PCDHA13: variants seen among roughly 807,000 people sequenced by gnomAD.
The protein encoded by PCDHA13 is protocadherin alpha-13.
PCDHA13 carries 54 observed loss-of-function variants against 64.8 expected under a neutral mutation model. The ratio of observed to expected loss-of-function variants is 0.83; its 90% CI spans 0.67 to 1.04. The LOEUF is 1.04. Among genes scored for constraint, PCDHA13 ranks in the 50% least tolerant of loss-of-function variants. The pLI, the probability that PCDHA13 is intolerant of heterozygous loss-of-function variation, is 0.00. For synonymous variants in PCDHA13, 587 were observed against 564.4 expected (o/e 1.04, Z -0.57); for missense variants, 1,248 against 1,254.3 (o/e 0.99, Z 0.08).
At chr5:140,983,734 G>A (rs1194473513) in intron 3 of PCDHA13, among the ~76,000 whole-genome samples, 15 of 152,170 alleles carry the variant, frequency 9.9e-5, no homozygotes, top group African/African-American at 3.4e-4. Context: ...TAACATGGCT[G>A]GCTTGCAATA....
At chr5:140,995,546 C>T (rs2097688546) in intron 3 of PCDHA13, among the ~76,000 whole-genome samples, 1 of 152,184 alleles carries the variant, frequency 6.6e-6, no homozygotes, top group African/African-American at 2.4e-5. Context: ...AAGGGGCGAT[C>T]ACTGTACTGA....
intron 3 of PCDHA13, among the ~76,000 whole-genome samples, chr5:140,986,633 C>T (rs566373023): frequency 5.9e-5 from 9 of 152,266 alleles, no homozygotes; most frequent in Admixed American, 3.3e-4. Context: ...GGCAACAGTA[C>T]ATTAGTTTTA....
chr5:140,970,748 A>G (rs2096429835), intron 1 of PCDHA13, among the ~76,000 whole-genome samples: 1 of 152,130 alleles, frequency 6.6e-6, no homozygotes, highest in African/African-American at 2.4e-5. Context: ...TTTGCAATAT[A>G]TTTTCATTGA....
chr5:140,969,058 T>C, intron 1 of PCDHA13: 1 of 1,614,166 alleles, frequency 6.2e-7, no homozygotes. Flanking sequence ...ACAACAATAT[T>C]GATGCCAGGA....
At chr5:140,912,939 T>C (rs1372074826) in intron 1 of PCDHA13, among the ~76,000 whole-genome samples, 1 of 152,230 alleles carries the variant, frequency 6.6e-6, no homozygotes, top group Middle Eastern at 3.2e-3. Context: ...CATCCTTGTA[T>C]CCCTGGGATA....
At chr5:140,907,239 C>T (rs1447900433) in intron 1 of PCDHA13, among the ~76,000 whole-genome samples, 1 of 152,200 alleles carries the variant, frequency 6.6e-6, no homozygotes, top group Non-Finnish European at 1.5e-5. Context: ...ACCTAGTTGA[C>T]ATTGTAATTG....
intron 1 of PCDHA13, among the ~76,000 whole-genome samples, chr5:140,941,026 C>T (rs1330663914): frequency 6.6e-6 from 1 of 152,066 alleles, no homozygotes; most frequent in Admixed American, 6.5e-5. Flanking sequence ...TTCCTTCTGG[C>T]CTTTTTGGTG....
chr5:140,927,967 AT>A, intron 1 of PCDHA13: 1 of 1,614,172 alleles, frequency 6.2e-7, no homozygotes, highest in Non-Finnish European at 8.5e-7. Context: ...TGGCACAGTG[AT>A]TGCTCTCTTT....
intron 1 of PCDHA13, among the ~76,000 whole-genome samples, chr5:140,921,583 TA>T (rs2080282425): frequency 6.6e-6 from 1 of 152,200 alleles, no homozygotes; most frequent in South Asian, 2.1e-4. Flanking sequence ...GCTCATACTA[TA>T]TTATGGTTTC....
intron 1 of PCDHA13, among the ~76,000 whole-genome samples, chr5:140,896,083 T>G (rs1202809868): frequency 6.6e-6 from 1 of 152,184 alleles, no homozygotes; most frequent in African/African-American, 2.4e-5. Context: ...CATGCTGGGA[T>G]TACAGGCGTG....
At chr5:140,952,125 AG>A (rs1234128402) in intron 1 of PCDHA13, among the ~76,000 whole-genome samples, 1 of 152,092 alleles carries the variant, frequency 6.6e-6, no homozygotes, top group Non-Finnish European at 1.5e-5. Context: ...TGGGCTCCCA[AG>A]GCCTTGGGAA....
Position 140,882,451 on chromosome 5 carries a change from G to C in PCDHA13, c.183G>C (p.Pro61=). 1 of 1,614,040 alleles carries C rather than the reference G, an allele frequency of 6.2e-7. No individual in the cohort carries two copies. ...GGCTGGAGCTGGCGGAGCTGGTGCC[G>C]CGCCTGTTCCGGGTGGCGTCCAAAA... ...DLGLELAELV[P]RLFRVASKRH... is the part of the protein sequence containing the mutation. The change falls in exon 1 of 4, where the codon CCG becomes CCC. Residue 61 remains proline, a synonymous_variant. Coordinates refer to ENST00000289272, the MANE Select transcript of PCDHA13 (RefSeq NM_018904.3).
intron 1 of PCDHA13, among the ~76,000 whole-genome samples, chr5:140,910,320 A>G (rs1362740704): frequency 1.3e-5 from 2 of 152,212 alleles, no homozygotes; most frequent in African/African-American, 4.8e-5. Flanking sequence ...CATGAGTCAG[A>G]CTATTGTGAT....
At position 140,978,994 on chromosome 5, in the gene PCDHA13, GCAGGCATGCA is replaced by G; in HGVS notation, c.2445_2453+1del. 3 of 1,614,152 alleles carry G rather than the reference GCAGGCATGCA, an allele frequency of 1.9e-6. No homozygotes were observed. The highest frequency in any genetic ancestry group is 8.5e-7 in the Non-Finnish European group (1 of 1,180,022). ...CTGGCGTTACTCTGCCTCCCTGAGA[GCAGGCATGCA>G]CAGGTATGTATTTCCCTCCTCATTC... On this transcript the variant is annotated frameshift_variant, in exon 2 of 4. Transcript: ENST00000289272. LOFTEE classifies it high-confidence loss of function.
At chr5:140,899,431 T>C (rs1271468350) in intron 1 of PCDHA13, among the ~76,000 whole-genome samples, 2 of 152,242 alleles carry the variant, frequency 1.3e-5, no homozygotes, top group Non-Finnish European at 2.9e-5. Context: ...AGGTCTTTTC[T>C]GCATCTATTG....
intron 1 of PCDHA13, among the ~76,000 whole-genome samples, chr5:140,946,772 TG>T (rs2094025159): frequency 6.6e-6 from 1 of 151,346 alleles, no homozygotes; most frequent in Non-Finnish European, 1.5e-5. Context: ...TCATGTGGAA[TG>T]TAAAAAAGCT....
chr5:140,887,540 C>T (rs1039020160), intron 1 of PCDHA13, among the ~76,000 whole-genome samples: 1 of 152,100 alleles, frequency 6.6e-6, no homozygotes. Flanking sequence ...CTCTCCCCAC[C>T]CCTCATGGTT....
chr5:140,900,644 C>G (rs1554189317), intron 1 of PCDHA13, among the ~76,000 whole-genome samples: 1 of 152,180 alleles, frequency 6.6e-6, no homozygotes. Context: ...ATTGTGAACA[C>G]TGCTGCAATG....
intron 1 of PCDHA13, among the ~76,000 whole-genome samples, chr5:140,924,252 G>C (rs1306870811): frequency 1.3e-5 from 2 of 152,214 alleles, no homozygotes; most frequent in African/African-American, 4.8e-5. Flanking sequence ...ATCCTGGTGA[G>C]ATCTAATGAG....
Sources: allele counts gnomAD v4.1 joint callset (sites outside exome capture counted in the v4.1 genomes callset), GRCh38; gene constraint gnomAD v4.1.1; transcripts MANE v1.5; gene names NCBI Gene and HGNC (gene_info 2026-07-23, HGNC 2026-07-21).